RIN3: variants seen among roughly 807,000 people sequenced by gnomAD.
The protein encoded by RIN3 is Ras and Rab interactor 3.
Under a neutral mutation model 76.3 loss-of-function variants are expected in RIN3, and 54 were observed. The ratio of observed to expected loss-of-function variants is 0.71; its 90% CI spans 0.57 to 0.89. The LOEUF is 0.89. RIN3 is among the 40% of genes least tolerant of loss of function. The pLI, the probability that RIN3 is intolerant of heterozygous loss-of-function variation, is 0.00. For synonymous variants in RIN3, 576 were observed against 564.0 expected (o/e 1.02, Z -0.30); for missense variants, 1,256 against 1,322.1 (o/e 0.95, Z 0.78).
chr14:92,566,010 T>C (rs1168842527), intron 2 of RIN3, among the ~76,000 whole-genome samples: 1 of 152,240 alleles, frequency 6.6e-6, no homozygotes, highest in Admixed American at 6.5e-5. Flanking sequence ...TATTGACTGC[T>C]TACTATGTAG....
At chr14:92,550,163 G>A (rs1420930828) in intron 1 of RIN3, among the ~76,000 whole-genome samples, 1 of 152,158 alleles carries the variant, frequency 6.6e-6, no homozygotes, top group African/African-American at 2.4e-5. Context: ...TTGCCATCTT[G>A]CCACAAGTCA....
rs958582656 is a variant in RIN3 at position 92,687,988 on chromosome 14, G to A, written c.2694G>A (p.Ala898=). The A allele has an allele frequency of 1.9e-6, 3 of 1,565,492 alleles. No individual in the cohort carries two copies. The highest frequency in any genetic ancestry group is 2.4e-5 in the East Asian group (1 of 42,324). Residue 898 remains alanine (A), a synonymous_variant, in exon 10 of 10, where the codon GCG becomes GCA. Transcript: ENST00000216487. ...EQQARTLASR[A]DTQAQALCAQ... ...AGGCGCGGACGCTGGCGTCGCGGGC[G>A]GACACCCAGGCCCAGGCGCTGTGCG...
intron 4 of RIN3, among the ~76,000 whole-genome samples, chr14:92,621,116 G>A (rs920223150): frequency 1.6e-4 from 25 of 151,584 alleles, no homozygotes; most frequent in African/African-American, 2.7e-4. Flanking sequence ...GTGAAACCCC[G>A]TCCCAGCTAC....
chr14:92,587,501 G>C (rs1045535754), intron 3 of RIN3, among the ~76,000 whole-genome samples: 5 of 152,204 alleles, frequency 3.3e-5, no homozygotes, highest in African/African-American at 1.2e-4. Context: ...TGACAGAGAT[G>C]GAGAAAGATC....
intron 4 of RIN3, among the ~76,000 whole-genome samples, chr14:92,617,231 C>T (rs377571848): frequency 5.3e-5 from 8 of 152,042 alleles, no homozygotes; most frequent in East Asian, 3.9e-4. Flanking sequence ...ACCTGGGAGG[C>T]AGAGGTTGCA....
At chr14:92,603,303 G>A (rs1024611059) in intron 3 of RIN3, among the ~76,000 whole-genome samples, 2 of 152,052 alleles carry the variant, frequency 1.3e-5, no homozygotes, top group Non-Finnish European at 2.9e-5. Context: ...TTTCCCAATC[G>A]GCATCCTCTT....
In RIN3 at chr14:92,682,151, T is replaced by A. The variant is rs1404692069; in HGVS notation, c.2468-2836T>A. On this transcript the variant is annotated intron_variant, in intron 8 of 9. Transcript: ENST00000216487. ...ATCCACCCGTCTCAGCCTCCCAAAG[T>A]GCTGAGATTACAGGCGTGAGCCACC... Among the ~76,000 whole-genome samples, 6 of 152,170 alleles carry A rather than the reference T, an allele frequency of 3.9e-5. No homozygotes were observed. The East Asian group carries it at 1.2e-3, about 29-fold the overall frequency.
At chr14:92,665,730 C>T (rs1888072950) in intron 7 of RIN3, among the ~76,000 whole-genome samples, 1 of 151,240 alleles carries the variant, frequency 6.6e-6, no homozygotes, top group Admixed American at 6.6e-5. Flanking sequence ...GTTTTTTTTC[C>T]CCCAGCCCCA....
intron 5 of RIN3, chr14:92,651,082 C>T (rs189787851): frequency 1.5e-3 from 228 of 154,180 alleles, no homozygotes; most frequent in African/African-American, 5.1e-3. Flanking sequence ...CCTTCCTCCT[C>T]GTGTGCCTGT....
chr14:92,608,944 A>G (rs1040496236), intron 3 of RIN3, among the ~76,000 whole-genome samples: 4 of 152,118 alleles, frequency 2.6e-5, no homozygotes, highest in African/African-American at 9.7e-5. Flanking sequence ...TTACATGGAT[A>G]AGCTCTTTAG....
chr14:92,632,157 G>A (rs933998706), intron 4 of RIN3, among the ~76,000 whole-genome samples: 3 of 152,184 alleles, frequency 2.0e-5, no homozygotes, highest in African/African-American at 7.2e-5. Context: ...GCCACTCCTA[G>A]GCATGTGTGA....
intron 4 of RIN3, among the ~76,000 whole-genome samples, chr14:92,616,466 T>C (rs1885970935): frequency 6.6e-6 from 1 of 152,250 alleles, no homozygotes; most frequent in Admixed American, 6.5e-5. Context: ...TTTCCTGTTA[T>C]AACTGAAGTG....
At chr14:92,521,309 C>A (rs1230279170) in intron 1 of RIN3, among the ~76,000 whole-genome samples, 2 of 152,170 alleles carry the variant, frequency 1.3e-5, no homozygotes, top group East Asian at 3.8e-4. Context: ...ATCAATCCAT[C>A]TATTTACTGA....
chr14:92,527,046 CTTTTTT>C (rs1215618245), intron 1 of RIN3, among the ~76,000 whole-genome samples: 1 of 109,994 alleles, frequency 9.1e-6, no homozygotes, highest in Non-Finnish European at 1.8e-5. Flanking sequence ...TTCTCCCCAT[CTTTTTT>C]TTTTTTTTTT....
intron 1 of RIN3, among the ~76,000 whole-genome samples, chr14:92,525,650 T>C (rs917338191): frequency 5.3e-5 from 8 of 151,564 alleles, no homozygotes; most frequent in South Asian, 2.1e-4. Flanking sequence ...AGGGAGAGGG[T>C]CCAGCCACAG....
chr14:92,548,044 A>G (rs1897328921), intron 1 of RIN3, among the ~76,000 whole-genome samples: 1 of 152,200 alleles, frequency 6.6e-6, no homozygotes, highest in Non-Finnish European at 1.5e-5. Context: ...ATGCATAATT[A>G]TTATAAAAAT....
chr14:92,552,765 T>A (rs1897466194), intron 1 of RIN3, among the ~76,000 whole-genome samples: 1 of 152,120 alleles, frequency 6.6e-6, no homozygotes, highest in South Asian at 2.1e-4. Flanking sequence ...CCTTTCCTCT[T>A]CCTCTTTGGC....
At position 92,685,324 on chromosome 14, in the gene RIN3, T is replaced by C; in HGVS notation, c.2631+174T>C. On this transcript the variant is annotated intron_variant, in intron 9 of 9. Transcript: ENST00000216487. This position sits in a 1 kb window ranked among gnomAD's most constrained non-coding sequence, Gnocchi z 4.7. ...AAGGGCCCCCAGCCCCTGCTGCCAG[T>C]GTGTGTCCAGGACTTGGGTGCGTCT... The C allele has an allele frequency of 1.5e-6, 1 of 657,992 alleles. No homozygotes were observed. Among genetic ancestry groups the C allele is most frequent in the South Asian group, 2.0e-5 (1 of 51,018 alleles). The allele number at this position is 657,992 out of a possible 1,614,324, so 40.8% of individuals were successfully genotyped here. A position where few individuals can be genotyped will look rare whatever the true frequency, so the allele number is the denominator to read the frequency against.
chr14:92,611,825 G>A (rs1469476310), intron 3 of RIN3, among the ~76,000 whole-genome samples: 1 of 152,176 alleles, frequency 6.6e-6, no homozygotes, highest in African/African-American at 2.4e-5. Flanking sequence ...TAATTTGTAA[G>A]AAAAGAAGTT....
Sources: allele counts gnomAD v4.1 joint callset (sites outside exome capture counted in the v4.1 genomes callset), GRCh38; gene constraint gnomAD v4.1.1; non-coding constraint Gnocchi (gnomAD v3.1); transcripts MANE v1.5; gene names NCBI Gene and HGNC (gene_info 2026-07-23, HGNC 2026-07-21).